GRM8: variants seen among roughly 807,000 people sequenced by gnomAD.
GRM8 encodes glutamate metabotropic receptor 8, also known as metabotropic glutamate receptor 8.
GRM8 carries 47 observed loss-of-function variants against 87.2 expected under a neutral mutation model. The observed-to-expected ratio is 0.54, with a 90% CI of 0.43 to 0.69. GRM8 has a LOEUF of 0.69. Ranked by LOEUF, GRM8 falls within the 30% of genes least tolerant of loss-of-function variation. GRM8 has a pLI of 0.00. For missense variants in GRM8, 1,019 were observed against 1,139.2 expected, an observed-to-expected ratio of 0.89 and a Z score of 1.52; for synonymous variants, 396 against 404.5, an observed-to-expected ratio of 0.98 and a Z score of 0.25.
intron 8 of GRM8, among the ~76,000 whole-genome samples, chr7:126,586,378 C>A (rs1796125434): frequency 1.3e-5 from 2 of 152,270 alleles, no homozygotes; most frequent in South Asian, 4.1e-4. Context: ...CCAAGACAAT[C>A]CTAAGCCAAA....
At chr7:126,692,511 T>C (rs1216908596) in intron 7 of GRM8, among the ~76,000 whole-genome samples, 1 of 152,198 alleles carries the variant, frequency 6.6e-6, no homozygotes, top group Non-Finnish European at 1.5e-5. Context: ...GGGACTATCT[T>C]CAGGACATGG....
At chr7:126,571,400 A>G (rs1794678153) in intron 8 of GRM8, among the ~76,000 whole-genome samples, 1 of 152,166 alleles carries the variant, frequency 6.6e-6, no homozygotes, top group Admixed American at 6.6e-5. Context: ...CTGTACTGAA[A>G]ATAAAGAGTC....
At chr7:126,829,671 G>T (rs917616899) in intron 6 of GRM8, among the ~76,000 whole-genome samples, 5 of 152,016 alleles carry the variant, frequency 3.3e-5, no homozygotes, top group African/African-American at 1.2e-4. Context: ...GCCAGTCTGT[G>T]TCTTTTAATT....
intron 9 of GRM8, among the ~76,000 whole-genome samples, chr7:126,505,712 A>G: frequency 6.6e-6 from 1 of 152,108 alleles, no homozygotes; most frequent in East Asian, 1.9e-4. Context: ...TAATTGTCAA[A>G]TAAAAACTGC....
chr7:127,209,291 T>A (rs1430694923), intron 2 of GRM8, among the ~76,000 whole-genome samples: 2 of 152,100 alleles, frequency 1.3e-5, no homozygotes, highest in Admixed American at 1.3e-4. Flanking sequence ...AAGTACGAAA[T>A]CAGGAAGGAA....
chr7:126,599,146 G>A (rs560309043), intron 8 of GRM8, among the ~76,000 whole-genome samples: 1 of 152,216 alleles, frequency 6.6e-6, no homozygotes, highest in East Asian at 1.9e-4. Context: ...TCTGCAAATG[G>A]CATGGGCAAG....
At chr7:126,963,406 G>A (rs1809513694) in intron 3 of GRM8, among the ~76,000 whole-genome samples, 3 of 152,094 alleles carry the variant, frequency 2.0e-5, no homozygotes, top group African/African-American at 7.2e-5. Flanking sequence ...GAGATGACAT[G>A]ATTATATATT....
At chr7:126,585,058 C>T (rs1249377776) in intron 8 of GRM8, among the ~76,000 whole-genome samples, 1 of 152,090 alleles carries the variant, frequency 6.6e-6, no homozygotes, top group African/African-American at 2.4e-5. Context: ...AATTCTTAAA[C>T]ACTGTGAGTA....
rs533419829 is a variant in GRM8 at position 127,174,074 on chromosome 7, C to T, written c.511-67362G>A. 6.7e-4 allele frequency among the ~76,000 whole-genome samples: 102 copies of T among 152,272 alleles called. No homozygotes were observed. In the South Asian group the frequency reaches 0.017, roughly 25 times the overall value. ...AGAAACATTCACAGCAACACACACA[C>T]GCACCCCTAGACCTCAATATTTAGA... On this transcript the variant is annotated intron_variant, in intron 2 of 10. Transcript: ENST00000339582.
chr7:126,802,699 T>C, intron 6 of GRM8, among the ~76,000 whole-genome samples: 1 of 152,150 alleles, frequency 6.6e-6, no homozygotes, highest in East Asian at 1.9e-4. Context: ...GAACACATTA[T>C]CCTAACCATG....
chr7:127,026,007 C>G (rs558840221), intron 3 of GRM8, among the ~76,000 whole-genome samples: 3 of 152,250 alleles, frequency 2.0e-5, no homozygotes, highest in East Asian at 3.9e-4. Context: ...CCCCAGCCCC[C>G]TGCCCCCTGA....
chr7:126,745,560 A>G (rs1010980502), intron 7 of GRM8, among the ~76,000 whole-genome samples: 4 of 151,628 alleles, frequency 2.6e-5, no homozygotes, highest in African/African-American at 9.7e-5. Context: ...CATCTGCTCA[A>G]TTAATGAAAA....
At chr7:127,104,483 A>G (rs932665777) in intron 3 of GRM8, among the ~76,000 whole-genome samples, 7 of 152,222 alleles carry the variant, frequency 4.6e-5, no homozygotes, top group African/African-American at 1.4e-4. Context: ...CTTTGTCATT[A>G]AAATGAGGGA....
intron 7 of GRM8, among the ~76,000 whole-genome samples, chr7:126,759,786 A>G (rs1202356556): frequency 6.6e-6 from 1 of 152,208 alleles, no homozygotes; most frequent in Non-Finnish European, 1.5e-5. Flanking sequence ...TACAGTTTAT[A>G]TATTTTTAAG....
At chr7:126,490,746 C>T (rs1807909129) in intron 9 of GRM8, among the ~76,000 whole-genome samples, 1 of 152,072 alleles carries the variant, frequency 6.6e-6, no homozygotes, top group African/African-American at 2.4e-5. Context: ...ATGTCTATGT[C>T]TCAGACTTCT....
intron 3 of GRM8, among the ~76,000 whole-genome samples, chr7:126,905,452 CAG>C (rs1802583071): frequency 6.6e-6 from 1 of 152,144 alleles, no homozygotes. Context: ...TGCAGTGAAA[CAG>C]AGATAACATT....
At chr7:126,844,977 C>T (rs1796587611) in intron 6 of GRM8, among the ~76,000 whole-genome samples, 1 of 152,170 alleles carries the variant, frequency 6.6e-6, no homozygotes, top group Non-Finnish European at 1.5e-5. Context: ...TTGCCTATCA[C>T]AAATAGTAAG....
intron 3 of GRM8, among the ~76,000 whole-genome samples, chr7:126,935,047 T>A (rs201395391): frequency 2.6e-5 from 4 of 152,220 alleles, no homozygotes; most frequent in Non-Finnish European, 4.4e-5. Context: ...TCATGTAATA[T>A]GTGCTCAATA....
rs368973987 is a variant in GRM8 at position 127,243,216 on chromosome 7, G to A, written c.-12C>T. The stretch of plus-strand genomic sequence containing the variant: ...CCCTCGCATACCATTTTCTCCACAG[G>A]TGGTATTGCAATCCAAGACCCAAAG... On this transcript the variant is annotated 5_prime_UTR_variant, in exon 2 of 11. Transcript: ENST00000339582. The A allele has an allele frequency of 6.3e-7, 1 of 1,594,704 alleles. No individual in the cohort carries two copies. The highest frequency in any genetic ancestry group is 1.3e-5 in the African/African-American group (1 of 74,660).
Sources: allele counts gnomAD v4.1 joint callset (sites outside exome capture counted in the v4.1 genomes callset), GRCh38; gene constraint gnomAD v4.1.1; transcripts MANE v1.5; gene names NCBI Gene and HGNC (gene_info 2026-07-23, HGNC 2026-07-21).